DTD1: variants seen among roughly 807,000 people sequenced by gnomAD.
The protein encoded by DTD1 is D-aminoacyl-tRNA deacylase 1.
A neutral mutation model predicts 25.6 loss-of-function variants in DTD1; 13 were observed. That is an observed-to-expected ratio of 0.51 (90% confidence interval 0.33 to 0.81). The LOEUF is 0.81. Among genes scored for constraint, DTD1 ranks in the 30% least tolerant of loss-of-function variants. DTD1 has a pLI of 0.02. For synonymous variants in DTD1, 110 were observed against 103.6 expected, an observed-to-expected ratio of 1.06 and a Z score of -0.37; for missense variants, 193 against 266.4, an observed-to-expected ratio of 0.72 and a Z score of 1.92.
chr20:18,694,023 T>G (rs2061060038), intron 4 of DTD1, among the ~76,000 whole-genome samples: 1 of 152,158 alleles, frequency 6.6e-6, no homozygotes, highest in Non-Finnish European at 1.5e-5. Context: ...ATGCAGGAAG[T>G]CTCCATCGCA....
At chr20:18,696,110 G>T (rs2061075086) in intron 4 of DTD1, among the ~76,000 whole-genome samples, 1 of 152,150 alleles carries the variant, frequency 6.6e-6, no homozygotes, top group Non-Finnish European at 1.5e-5. Flanking sequence ...AATGGATGCT[G>T]TTGTCATATC....
chr20:18,654,775 C>G (rs143340705), intron 4 of DTD1, among the ~76,000 whole-genome samples: 1,762 of 147,394 alleles, frequency 0.012, 17 homozygotes, highest in Non-Finnish European at 0.02. Context: ...GAAAAATAAT[C>G]TATTCAACCT....
intron 4 of DTD1, chr20:18,632,075 C>G (rs2122320634): frequency 1.1e-6 from 1 of 894,536 alleles, no homozygotes; most frequent in East Asian, 1.2e-4. Flanking sequence ...AGATGCTGGA[C>G]ATGTAATTTA....
At chr20:18,700,319 A>G (rs1379739991) in intron 4 of DTD1, among the ~76,000 whole-genome samples, 1 of 152,222 alleles carries the variant, frequency 6.6e-6, no homozygotes, top group Non-Finnish European at 1.5e-5. Flanking sequence ...CTTAAAACAC[A>G]GGTTCTTTTT....
chr20:18,722,523 G>A (rs954407066), intron 4 of DTD1, among the ~76,000 whole-genome samples: 1 of 152,238 alleles, frequency 6.6e-6, no homozygotes, highest in Non-Finnish European at 1.5e-5. Flanking sequence ...TTGATGCCTG[G>A]TTGATGGAGA....
chr20:18,755,820 G>A (rs1408781328), intron 5 of DTD1, among the ~76,000 whole-genome samples: 1 of 151,392 alleles, frequency 6.6e-6, no homozygotes, highest in Non-Finnish European at 1.5e-5. Flanking sequence ...GGTATTTCTA[G>A]TTCTAGATCC....
At chr20:18,706,602 CAA>C (rs763969063) in intron 4 of DTD1, among the ~76,000 whole-genome samples, 12 of 152,158 alleles carry the variant, frequency 7.9e-5, no homozygotes, top group Non-Finnish European at 1.2e-4. Context: ...CTCTAAAAAA[CAA>C]GAGTCGTTGC....
intron 3 of DTD1, among the ~76,000 whole-genome samples, chr20:18,618,960 G>C (rs2060721757): frequency 6.6e-6 from 1 of 152,102 alleles, no homozygotes; most frequent in African/African-American, 2.4e-5. Context: ...TACTCCTCCT[G>C]CTTTGGCCTT....
At chr20:18,719,447 C>A (rs1384572517) in intron 4 of DTD1, among the ~76,000 whole-genome samples, 1 of 152,196 alleles carries the variant, frequency 6.6e-6, no homozygotes, top group East Asian at 1.9e-4. Flanking sequence ...ACTAAACTGT[C>A]CCATCAGTTG....
intron 4 of DTD1, among the ~76,000 whole-genome samples, chr20:18,701,521 A>C (rs1437536385): frequency 6.6e-6 from 1 of 152,210 alleles, no homozygotes; most frequent in Non-Finnish European, 1.5e-5. Context: ...TCTTGTGGGC[A>C]GGTAGGAGCA....
chr20:18,707,753 A>G (rs139843524), intron 4 of DTD1, among the ~76,000 whole-genome samples: 228 of 151,814 alleles, frequency 1.5e-3, no homozygotes, highest in Non-Finnish European at 2.3e-3. Context: ...GGTAACACAC[A>G]CGCGCGCACA....
intron 4 of DTD1, among the ~76,000 whole-genome samples, chr20:18,653,221 G>A (rs1249024059): frequency 2.0e-5 from 3 of 152,162 alleles, no homozygotes; most frequent in Admixed American, 6.5e-5. Flanking sequence ...GGGCAACATG[G>A]TGAAACCCTG....
chr20:18,612,334 C>T (rs2060690747), intron 3 of DTD1, among the ~76,000 whole-genome samples: 1 of 152,094 alleles, frequency 6.6e-6, no homozygotes, highest in African/African-American at 2.4e-5. Flanking sequence ...GCGCCTGGCC[C>T]ACACATGTTT....
intron 4 of DTD1, among the ~76,000 whole-genome samples, chr20:18,729,208 G>T (rs570505657): frequency 5.2e-4 from 79 of 152,308 alleles, no homozygotes; most frequent in African/African-American, 1.9e-3. Context: ...TTTCCATGTT[G>T]CCCAGGCTGG....
At chr20:18,731,581 T>G (rs1344772070) in intron 4 of DTD1, among the ~76,000 whole-genome samples, 2 of 152,244 alleles carry the variant, frequency 1.3e-5, no homozygotes, top group African/African-American at 4.8e-5. Flanking sequence ...TCTTTATGTA[T>G]TTTTTCTCTA....
chr20:18,617,364 G>A (rs2060713052), intron 3 of DTD1, among the ~76,000 whole-genome samples: 2 of 148,664 alleles, frequency 1.3e-5, no homozygotes, highest in South Asian at 4.2e-4. Flanking sequence ...TTAATAATGT[G>A]TATATATAAT....
intron 3 of DTD1, among the ~76,000 whole-genome samples, chr20:18,612,627 A>G (rs546337156): frequency 6.6e-6 from 1 of 151,866 alleles, no homozygotes; most frequent in Non-Finnish European, 1.5e-5. Context: ...TAAAATTCAC[A>G]TCTTCTTGGC....
At chr20:18,723,141 G>A (rs939481764) in intron 4 of DTD1, among the ~76,000 whole-genome samples, 2 of 152,196 alleles carry the variant, frequency 1.3e-5, no homozygotes, top group African/African-American at 4.8e-5. Context: ...GGGCTGTCCT[G>A]TGCGTTGTTG....
At chr20:18,713,317 T>G (rs1199834747) in intron 4 of DTD1, among the ~76,000 whole-genome samples, 1 of 152,248 alleles carries the variant, frequency 6.6e-6, no homozygotes, top group African/African-American at 2.4e-5. Context: ...GCTGTTTTCT[T>G]CCCCAAACCT....
Sources: gnomAD v4.1 joint callset for allele counts (sites outside exome capture counted in the v4.1 genomes callset) on GRCh38, gnomAD v4.1.1 for gene constraint, MANE v1.5 for transcripts, NCBI Gene and HGNC (gene_info 2026-07-23, HGNC 2026-07-21) for gene names.